The following C12orf42 variants were observed in gnomAD, a reference collection of about 807,000 sequenced individuals.
C12orf42 encodes the protein uncharacterized protein C12orf42.
C12orf42 carries 25 observed loss-of-function variants against 21.6 expected under a neutral mutation model. The ratio of observed to expected loss-of-function variants is 1.16; its 90% CI spans 0.84 to 1.62. C12orf42 has a LOEUF of 1.62. Ranked by LOEUF, C12orf42 falls within the 40% of genes most tolerant of loss-of-function variation. The pLI is 0.00. For missense variants in C12orf42, 483 were observed against 459.3 expected, an observed-to-expected ratio of 1.05 and a Z score of -0.47; for synonymous variants, 174 against 175.0, an observed-to-expected ratio of 0.99 and a Z score of 0.05.
intron 2 of C12orf42, among the ~76,000 whole-genome samples, chr12:103,438,618 C>A (rs1950940295): frequency 6.6e-6 from 1 of 151,866 alleles, no homozygotes; most frequent in Admixed American, 6.6e-5. Flanking sequence ...CAACAACAGA[C>A]AAACAGAGAG....
At chr12:103,322,706 A>AT (rs1192804901) in intron 4 of C12orf42, among the ~76,000 whole-genome samples, 2 of 152,186 alleles carry the variant, frequency 1.3e-5, no homozygotes, top group Non-Finnish European at 2.9e-5. Context: ...CTAAAACTGC[A>AT]TTTTTTAAAA....
chr12:103,250,219 G>T (rs986794845), intron 10 of C12orf42, among the ~76,000 whole-genome samples: 1 of 151,900 alleles, frequency 6.6e-6, no homozygotes. Flanking sequence ...ACTGAGATAG[G>T]CCTTGCTTCA....
chr12:103,437,619 A>T (rs1049713810), intron 2 of C12orf42, among the ~76,000 whole-genome samples: 5 of 152,110 alleles, frequency 3.3e-5, no homozygotes, highest in Non-Finnish European at 5.9e-5. Flanking sequence ...AGAGAATACT[A>T]CAAACACCTC....
chr12:103,546,216 A>G, the C12orf42 span, among the ~76,000 whole-genome samples: 4,440 of 152,298 alleles, frequency 0.029, 115 homozygotes, highest in East Asian at 0.12. Context: ...TCAGCATGTA[A>G]TGATTCAATA....
chr12:103,121,507 T>C, the C12orf42 span, among the ~76,000 whole-genome samples: 39 of 152,304 alleles, frequency 2.6e-4, no homozygotes, highest in African/African-American at 9.1e-4. Context: ...TTAGTCTGCA[T>C]GATTTCTGTG....
the C12orf42 span, among the ~76,000 whole-genome samples, chr12:103,114,464 C>G: frequency 3.9e-5 from 6 of 152,276 alleles, no homozygotes; most frequent in South Asian, 8.3e-4. Flanking sequence ...TTCTCAGGCT[C>G]CACTCCAGAC....
intron 4 of C12orf42, among the ~76,000 whole-genome samples, chr12:103,359,254 A>C (rs1213812186): frequency 6.6e-6 from 1 of 152,030 alleles, no homozygotes; most frequent in Non-Finnish European, 1.5e-5. Flanking sequence ...GATCTGGTTC[A>C]TTGAAGTGTA....
intron 4 of C12orf42, among the ~76,000 whole-genome samples, chr12:103,319,586 A>C (rs2039880839): frequency 6.6e-6 from 1 of 152,244 alleles, no homozygotes; most frequent in South Asian, 2.1e-4. Context: ...AAGCCTGAAA[A>C]TAAACCATCT....
the C12orf42 span, among the ~76,000 whole-genome samples, chr12:103,114,136 T>C: frequency 6.6e-6 from 1 of 151,666 alleles, no homozygotes; most frequent in Non-Finnish European, 1.5e-5. Flanking sequence ...TCCCTCCCAG[T>C]AGAAAAAAAA....
downstream of C12orf42, among the ~76,000 whole-genome samples, chr12:103,233,228 T>C (rs2033358215): frequency 6.6e-6 from 1 of 152,250 alleles, no homozygotes; most frequent in Admixed American, 6.5e-5. Flanking sequence ...ATTTGTAGAT[T>C]TGTAGTAAGT....
the C12orf42 span, among the ~76,000 whole-genome samples, chr12:103,513,063 C>T: frequency 6.6e-6 from 1 of 151,960 alleles, no homozygotes; most frequent in Non-Finnish European, 1.5e-5. Context: ...CATTCCACTG[C>T]TCCTCCTTCA....
chr12:103,472,181 A>T (rs978247146), intron 2 of C12orf42, among the ~76,000 whole-genome samples: 3 of 149,940 alleles, frequency 2.0e-5, no homozygotes, highest in African/African-American at 7.4e-5. Flanking sequence ...CAGCCTCACG[A>T]GTAGCTGGGA....
chr12:103,191,881 A>C, the C12orf42 span, among the ~76,000 whole-genome samples: 2 of 152,208 alleles, frequency 1.3e-5, no homozygotes, highest in Non-Finnish European at 2.9e-5. Context: ...CAAAAGTTTG[A>C]GTTTTTGTAT....
intron 4 of C12orf42, among the ~76,000 whole-genome samples, chr12:103,342,832 C>T (rs1445938910): frequency 6.6e-6 from 1 of 152,076 alleles, no homozygotes; most frequent in Non-Finnish European, 1.5e-5. Context: ...ACAGAGGTCT[C>T]CGCTGCTCTT....
chr12:103,530,212 G>C, the C12orf42 span, among the ~76,000 whole-genome samples: 1 of 152,228 alleles, frequency 6.6e-6, no homozygotes, highest in Admixed American at 6.5e-5. Context: ...AAGTTATCAG[G>C]AAGTATCTGC....
At chr12:103,085,739 T>C in the C12orf42 span, among the ~76,000 whole-genome samples, 35 of 152,264 alleles carry the variant, frequency 2.3e-4, no homozygotes, top group Middle Eastern at 3.4e-3. Context: ...TCAGCTTTCA[T>C]TCTCTTACTT....
rs1186802515 is a variant in C12orf42, at chr12:103,281,889, AAAAG to A, written n.338-4683_338-4680del. Among the ~76,000 whole-genome samples the A allele has an allele frequency of 3.9e-4, 59 of 150,068 alleles. No homozygotes were observed. The East Asian group carries it at 0.01, about 26-fold the overall frequency. Reference sequence around the variant, plus strand: ...GAGAGAGAGAAAAGAGAAAGAAAGAAAAAGAAAGAAAGAAAAGAAGAAAGAAAAA... The same window carrying A: ...GAGAGAGAGAAAAGAGAAAGAAAGAAAAAGAAAGAAAAGAAGAAAGAAAAA... On this transcript the variant is annotated intron_variant and non_coding_transcript_variant, in intron 4 of 6. Coordinates refer to the C12orf42 transcript ENST00000546526.
Position 103,294,636 on chromosome 12 carries a change from G to GA in C12orf42, n.338-17427dup, listed in dbSNP as rs1480779632. ...AGAAAGAAAGAAAGAAAGAAAGAAA[G>GA]AAGGAAAAGAAAGAGAAAGAAAGAA... On this transcript the variant is annotated intron_variant and non_coding_transcript_variant, in intron 4 of 6. Transcript: ENST00000546526. Among the ~76,000 whole-genome samples, 750 of 144,138 alleles carry GA rather than the reference G, an allele frequency of 5.2e-3. 10 individuals are homozygous for GA. The highest frequency in any genetic ancestry group is 0.012 in the African/African-American group (460 of 38,108). The allele number at this position is 144,138 out of a possible 152,430, so 94.6% of individuals were successfully genotyped here. A position where few individuals can be genotyped will look rare whatever the true frequency, so the allele number is the denominator to read the frequency against.
chr12:103,531,769 AGATTGGT>A, the C12orf42 span, among the ~76,000 whole-genome samples: 14 of 152,328 alleles, frequency 9.2e-5, no homozygotes, highest in African/African-American at 3.4e-4. Context: ...CAATATTTCC[AGATTGGT>A]GCTTCAGTTG....
Sources: allele counts gnomAD v4.1 joint callset (sites outside exome capture counted in the v4.1 genomes callset), GRCh38; gene constraint gnomAD v4.1.1; transcripts MANE v1.5; gene names NCBI Gene and HGNC (gene_info 2026-07-23, HGNC 2026-07-21).